DPP6: variants seen among roughly 807,000 people sequenced by gnomAD.
DPP6 encodes dipeptidyl peptidase like 6.
DPP6 carries 69 observed loss-of-function variants against 122.6 expected under a neutral mutation model. The observed-to-expected ratio is 0.56, with a 90% CI of 0.46 to 0.69. DPP6 has a LOEUF of 0.69. Among genes scored for constraint, DPP6 ranks in the 30% least tolerant of loss-of-function variants. The pLI is 0.00. For synonymous variants in DPP6, 418 were observed against 433.1 expected, an observed-to-expected ratio of 0.97 and a Z score of 0.43; for missense variants, 928 against 1,116.9, an observed-to-expected ratio of 0.83 and a Z score of 2.41.
At chr7:154,117,111 A>C (rs1210309014) in intron 1 of DPP6, among the ~76,000 whole-genome samples, 1 of 151,908 alleles carries the variant, frequency 6.6e-6, no homozygotes, top group Non-Finnish European at 1.5e-5. Context: ...AACTTGATCT[A>C]GTGCACATAT....
At position 154,175,703 on chromosome 7, in the gene DPP6, A is replaced by G. The variant is rs1797764033; in HGVS notation, c.243+122640A>G. On this transcript the variant is annotated intron_variant, in intron 1 of 25. Transcript: ENST00000377770. ...TAAGAGCTTAGAAGCAAGGCTATTTATTCTTACTGGAGACTGGCTTTTTTT... is the reference window on the plus strand; with the variant it reads ...TAAGAGCTTAGAAGCAAGGCTATTTGTTCTTACTGGAGACTGGCTTTTTTT... 2.0e-5 allele frequency among the ~76,000 whole-genome samples: 3 copies of G among 148,072 alleles called. No individual in the cohort carries two copies. The South Asian group carries it at 6.4e-4, about 32-fold the overall frequency.
At chr7:154,816,052 T>C (rs889356779) in intron 16 of DPP6, among the ~76,000 whole-genome samples, 3 of 152,192 alleles carry the variant, frequency 2.0e-5, no homozygotes, top group South Asian at 4.1e-4. Flanking sequence ...GGGAGGTCTA[T>C]GGAGTATGGA....
intron 14 of DPP6, among the ~76,000 whole-genome samples, 189 bp from the exon 15 acceptor site, chr7:154,804,728 C>T (rs1453717251): frequency 6.6e-6 from 1 of 152,212 alleles, no homozygotes. Context: ...ACTGGTGTCC[C>T]TCAGCCCTTA....
At chr7:154,250,778 A>G (rs1802303697) in intron 1 of DPP6, among the ~76,000 whole-genome samples, 1 of 152,108 alleles carries the variant, frequency 6.6e-6, no homozygotes, top group African/African-American at 2.4e-5. Context: ...AGAGGCTAGA[A>G]GAGCCAGGAT....
At chr7:154,824,474 T>C (rs1800012671) in intron 16 of DPP6, among the ~76,000 whole-genome samples, 1 of 152,190 alleles carries the variant, frequency 6.6e-6, no homozygotes, top group African/African-American at 2.4e-5. Flanking sequence ...AGACAGGGTT[T>C]CACCGTGTTG....
At chr7:154,536,607 T>A (rs10232522) in intron 3 of DPP6, among the ~76,000 whole-genome samples, 4 of 151,924 alleles carry the variant, frequency 2.6e-5, no homozygotes, top group Non-Finnish European at 5.9e-5. Flanking sequence ...CTGACACATA[T>A]AATAAACAGC....
intron 1 of DPP6, among the ~76,000 whole-genome samples, chr7:154,243,505 G>T (rs982662159): frequency 3.3e-5 from 5 of 152,042 alleles, no homozygotes; most frequent in Non-Finnish European, 7.4e-5. Flanking sequence ...GTTAAGAATG[G>T]CAGAAGAGGC....
chr7:153,923,334 G>A (rs1023777982), intron 1 of DPP6, among the ~76,000 whole-genome samples: 4 of 152,200 alleles, frequency 2.6e-5, no homozygotes, highest in African/African-American at 7.2e-5. Flanking sequence ...GTATGTGTAT[G>A]TGCACGTATT....
chr7:154,329,403 G>A (rs141670904), intron 1 of DPP6, among the ~76,000 whole-genome samples: 4,299 of 152,300 alleles, frequency 0.028, 162 homozygotes, highest in African/African-American at 0.084. Context: ...CTTCTTTTGC[G>A]AAGTGTCTGT....
chr7:154,061,729 T>TGAGA lies in DPP6; in HGVS notation c.243+8667_243+8668insAGAG, dbSNP rs1801950488. 2.3e-5 allele frequency among the ~76,000 whole-genome samples: 2 copies of TGAGA among 86,642 alleles called. 1 individual carries two copies. The highest frequency in any genetic ancestry group is 8.6e-5 in the African/African-American group (2 of 23,160). The allele number at this position is 86,642 out of a possible 152,430, so 56.8% of individuals were successfully genotyped here. A position where few individuals can be genotyped will look rare whatever the true frequency, so the allele number is the denominator to read the frequency against. On this transcript the variant is annotated intron_variant, in intron 1 of 25. Transcript: ENST00000377770. ...GAGGCAATCCCCGCGAGGCGGGGAC[T>TGAGA]GCGAACCTCCCCCTTTCCTCCCCTG...
At chr7:153,768,577 T>G in the DPP6 span, among the ~76,000 whole-genome samples, 10 of 152,162 alleles carry the variant, frequency 6.6e-5, no homozygotes, top group African/African-American at 2.4e-4. Flanking sequence ...TATGGAGGTA[T>G]CTCAGTGTGG....
At chr7:154,146,720 G>A (rs9690764) in intron 1 of DPP6, among the ~76,000 whole-genome samples, 4,071 of 152,250 alleles carry the variant, frequency 0.027, 4 homozygotes, top group African/African-American at 0.077. Context: ...GGGACAGAAG[G>A]CACTTGTGTC....
At chr7:154,375,343 G>A (rs1429873101) in intron 1 of DPP6, among the ~76,000 whole-genome samples, 3 of 152,092 alleles carry the variant, frequency 2.0e-5, no homozygotes, top group African/African-American at 7.2e-5. Flanking sequence ...GGCCCGGGTG[G>A]AGGGGTAGGA....
At chr7:153,980,113 G>A (rs1796508180) in intron 1 of DPP6, among the ~76,000 whole-genome samples, 1 of 152,198 alleles carries the variant, frequency 6.6e-6, no homozygotes, top group Non-Finnish European at 1.5e-5. Context: ...AGTTTTAGAA[G>A]GAATGGTACC....
chr7:154,737,352 G>A (rs1842615367), intron 8 of DPP6, among the ~76,000 whole-genome samples: 1 of 152,172 alleles, frequency 6.6e-6, no homozygotes, highest in African/African-American at 2.4e-5. Context: ...CTTAGCATTT[G>A]CCTATTACCC....
intron 1 of DPP6, among the ~76,000 whole-genome samples, chr7:154,068,013 C>T (rs1204381313): frequency 1.3e-5 from 2 of 150,952 alleles, no homozygotes; most frequent in African/African-American, 2.5e-5. Flanking sequence ...CCTCCCACCT[C>T]GGTCTCCCAA....
At chr7:153,991,820 C>A (rs1797191083) in intron 1 of DPP6, among the ~76,000 whole-genome samples, 1 of 151,990 alleles carries the variant, frequency 6.6e-6, no homozygotes, top group African/African-American at 2.4e-5. Flanking sequence ...TCAGTCCTTC[C>A]CCACAACTAC....
At chr7:154,660,316 T>C (rs1472104362) in intron 6 of DPP6, among the ~76,000 whole-genome samples, 2 of 141,464 alleles carry the variant, frequency 1.4e-5, no homozygotes, top group South Asian at 2.4e-4. Context: ...GTATTGGCCG[T>C]AGTGTTCACG....
intron 16 of DPP6, among the ~76,000 whole-genome samples, chr7:154,851,801 A>G (rs913850593): frequency 6.6e-6 from 1 of 152,214 alleles, no homozygotes; most frequent in Admixed American, 6.5e-5. Context: ...AGCACCACAT[A>G]GAACCAGGCA....
Sources: allele counts gnomAD v4.1 joint callset (sites outside exome capture counted in the v4.1 genomes callset), GRCh38; gene constraint gnomAD v4.1.1; transcripts MANE v1.5; gene names NCBI Gene and HGNC (gene_info 2026-07-23, HGNC 2026-07-21).